Variants in ARFGEF1 observed in about 807,000 individuals in gnomAD.
ARFGEF1 encodes the protein brefeldin A-inhibited guanine nucleotide-exchange protein 1.
In ARFGEF1, 42 loss-of-function variants were observed where a neutral mutation model predicts 231.0. That is an observed-to-expected ratio of 0.18 (90% CI 0.14 to 0.24). ARFGEF1 has a LOEUF of 0.24. ARFGEF1 is among the 10% of genes least tolerant of loss of function. The pLI, the probability that ARFGEF1 is intolerant of heterozygous loss-of-function variation, is 1.00. For missense variants in ARFGEF1, 1,345 were observed against 2,192.0 expected, an observed-to-expected ratio of 0.61 and a Z score of 7.72; for synonymous variants, 710 against 732.3, an observed-to-expected ratio of 0.97 and a Z score of 0.49.
At chr8:67,194,670 TCA>T (rs1202670299), downstream of ARFGEF1, among the ~76,000 whole-genome samples, 1 of 151,264 alleles carries the variant, frequency 6.6e-6, no homozygotes, top group Admixed American at 6.6e-5. Flanking sequence ...TACCAATCCT[TCA>T]CAGACCAGGA....
intron 1 of ARFGEF1, among the ~76,000 whole-genome samples, chr8:67,334,833 T>C (rs775710401): frequency 2.6e-5 from 4 of 152,062 alleles, no homozygotes; most frequent in Non-Finnish European, 5.9e-5. Flanking sequence ...TTTCATGAAA[T>C]GTCCAGAAAA....
intron 18 of ARFGEF1, among the ~76,000 whole-genome samples, chr8:67,253,181 AAAC>A (rs1247934883): frequency 2.0e-5 from 3 of 152,220 alleles, no homozygotes; most frequent in African/African-American, 7.2e-5. Context: ...ACATGGTTCT[AAAC>A]AATATTTCTA....
chr8:67,184,203 T>C (rs1405210880), intron 5 of ARFGEF1, among the ~76,000 whole-genome samples: 1 of 152,184 alleles, frequency 6.6e-6, no homozygotes, highest in Non-Finnish European at 1.5e-5. Context: ...TGACTGTGCA[T>C]ACATGAAGAA....
rs928716767 is a variant in ARFGEF1 at position 67,198,131 on chromosome 8, T to C, written c.*803A>G. 30 of 985,704 alleles carry C rather than the reference T, an allele frequency of 3.0e-5. No individual in the cohort carries two copies. The African/African-American group carries it at 5.1e-4, about 17-fold the overall frequency. The allele number at this position is 985,704 out of a possible 1,614,324, so 61.1% of individuals were successfully genotyped here. On this transcript the variant is annotated 3_prime_UTR_variant, in exon 39 of 39. Coordinates refer to ENST00000262215, the MANE Select transcript of ARFGEF1 (RefSeq NM_006421.5). ...AGAGAAATATGTGACAGGTAGTTAC[T>C]GTCAGTAGGGATATTTTCTACCTTT... is the stretch of plus-strand genomic sequence containing the variant.
chr8:67,272,569 T>C (rs1029341531), intron 9 of ARFGEF1, among the ~76,000 whole-genome samples: 4 of 152,218 alleles, frequency 2.6e-5, no homozygotes, highest in African/African-American at 9.6e-5. Flanking sequence ...GTTGTGTTCC[T>C]TTCTTTCACA....
intron 13 of ARFGEF1, 36 bp downstream of exon 13, chr8:67,266,840 A>C: frequency 1.3e-6 from 2 of 1,547,684 alleles, no homozygotes; most frequent in Middle Eastern, 3.5e-4. Flanking sequence ...ATTCACTTAA[A>C]ATGACAAAGA....
intron 7 of ARFGEF1, among the ~76,000 whole-genome samples, chr8:67,287,386 G>T (rs2128907153): frequency 1.3e-5 from 2 of 152,270 alleles, no homozygotes; most frequent in Middle Eastern, 3.4e-3. Context: ...GACATTTGGA[G>T]CATGTACCTG....
chr8:67,276,121 A>G lies in ARFGEF1; in HGVS notation c.1204-12T>C. On this transcript the variant is annotated splice_polypyrimidine_tract_variant and intron_variant, in intron 8 of 38. Transcript: ENST00000262215. ...GAATTTCCAGATTCCTAAACAAGTTAACATACCATGAAAATTTTAGAGATA... is the reference window on the plus strand; with the variant it reads ...GAATTTCCAGATTCCTAAACAAGTTGACATACCATGAAAATTTTAGAGATA... The G allele has an allele frequency of 6.2e-7, 1 of 1,612,326 alleles. No individual in the cohort carries two copies. The highest frequency in any genetic ancestry group is 8.5e-7 in the Non-Finnish European group (1 of 1,178,932).
intron 1 of ARFGEF1, among the ~76,000 whole-genome samples, chr8:67,311,140 G>A (rs2128921784): frequency 7.0e-6 from 1 of 142,872 alleles, no homozygotes; most frequent in Non-Finnish European, 1.5e-5. Context: ...CCGGCCAGCT[G>A]CCCCGTCTGG....
At position 67,197,846 on chromosome 8, in the gene ARFGEF1, T is replaced by C. The variant is rs573609012; in HGVS notation, c.*1088A>G. ...TACATCCACTGTTAATACGGAATGC[T>C]TGACAATCTTGTCTTTTAACCATCA... On this transcript the variant is annotated 3_prime_UTR_variant, in exon 39 of 39. Transcript: ENST00000262215. The C allele has an allele frequency of 1.0e-6, 1 of 985,802 alleles. No homozygotes were observed. Among genetic ancestry groups the C allele is most frequent in the Non-Finnish European group, 1.2e-6 (1 of 829,952 alleles). 61.1% of individuals were successfully genotyped at this position (985,802 alleles called of 1,614,324 possible).
intron 23 of ARFGEF1, 41 bp from the exon 24 acceptor site, chr8:67,228,305 C>T (rs372513011): frequency 6.4e-7 from 1 of 1,564,344 alleles, no homozygotes; most frequent in Admixed American, 1.8e-5. Context: ...TTATAAGTTA[C>T]TGTTCTTATT....
Position 67,287,972 on chromosome 8 carries a change from A to T in ARFGEF1, c.1010T>A (p.Val337Glu). ...DIVQNIVEEMVNIVVGDMGEG... is the reference protein window; with the variant it reads ...DIVQNIVEEMENIVVGDMGEG... ...TATACTACCTCCAACAACAATGTTC[A>T]CCATTTCTTCTACAATGTTCTGTAC... is the stretch of plus-strand genomic sequence containing the variant. Residue 337 changes from valine to glutamate, a missense_variant, in exon 7 of 39, where the codon GTG becomes GAG. Val to Glu is a moderately radical substitution (Grantham distance 121). This residue lies in a region of ARFGEF1 where 398 missense variants were observed against 463.2 expected (regional missense o/e 0.86). Transcript: ENST00000262215. The T allele has an allele frequency of 1.9e-6, 3 of 1,589,992 alleles. No individual in the cohort carries two copies. Among genetic ancestry groups the T allele is most frequent in the Non-Finnish European group, 2.6e-6 (3 of 1,171,814 alleles).
At chr8:67,201,052 C>G (rs1387109544) in intron 37 of ARFGEF1, among the ~76,000 whole-genome samples, 5 of 152,230 alleles carry the variant, frequency 3.3e-5, no homozygotes, top group African/African-American at 1.2e-4. Flanking sequence ...ATGTTTCATT[C>G]TTAGCCTGAG....
At chr8:67,184,112 C>G (rs1833763250) in intron 5 of ARFGEF1, among the ~76,000 whole-genome samples, 1 of 152,086 alleles carries the variant, frequency 6.6e-6, no homozygotes, top group African/African-American at 2.4e-5. Context: ...CTTGGCCTCC[C>G]AAAGTGCTGG....
rs564939293 is a variant in ARFGEF1, at chr8:67,238,834, G to C, written c.3039C>G (p.Ser1013=). The change falls in exon 21 of 39, where the codon TCC becomes TCG. Residue 1013 remains serine (S), a synonymous_variant. Transcript: ENST00000262215. ...TCTTCTGTTTCATTTCAGTAATACC[G>C]GAACTCACTGTGAGTAAGGTAAATC... ...LARFTLLTVS[S]GITEMKQKNI... is the part of the protein sequence containing the mutation. 6.2e-7 allele frequency: 1 copy of C among 1,613,340 alleles called. No individual in the cohort carries two copies. Among genetic ancestry groups the C allele is most frequent in the Admixed American group, 1.7e-5 (1 of 59,986 alleles).
intron 34 of ARFGEF1, among the ~76,000 whole-genome samples, chr8:67,206,077 T>C (rs1325589606): frequency 6.6e-6 from 1 of 152,020 alleles, no homozygotes; most frequent in Non-Finnish European, 1.5e-5. Context: ...AAATTACCTC[T>C]TATTTTCAAA....
chr8:67,222,194 T>TATATACACACAC (rs1839202786), intron 29 of ARFGEF1, among the ~76,000 whole-genome samples: 1 of 140,820 alleles, frequency 7.1e-6, no homozygotes, highest in Non-Finnish European at 1.5e-5. Flanking sequence ...TATATATATA[T>TATATACACACAC]ATATATATAT....
chr8:67,227,733 G>C (rs1047771005), intron 25 of ARFGEF1, 135 bp from the exon 26 acceptor site: 2 of 993,552 alleles, frequency 2.0e-6, no homozygotes, highest in Non-Finnish European at 2.9e-6. Flanking sequence ...AAGGCATTAA[G>C]TATGCTAAAA....
intron 1 of ARFGEF1, among the ~76,000 whole-genome samples, chr8:67,311,518 G>T (rs1298332256): frequency 6.9e-6 from 1 of 145,752 alleles, no homozygotes; most frequent in Non-Finnish European, 1.5e-5. Context: ...GAGGTGGGGG[G>T]GGGTCAGCCC....
Sources: gnomAD v4.1 joint callset for allele counts (sites outside exome capture counted in the v4.1 genomes callset) on GRCh38, gnomAD v4.1.1 for gene constraint, gnomAD v4.1.1 regional missense constraint, MANE v1.5 for transcripts, NCBI Gene and HGNC (gene_info 2026-07-23, HGNC 2026-07-21) for gene names.